The following IPO11 variants were observed in gnomAD, a reference collection of about 807,000 sequenced individuals.
IPO11 encodes the protein importin 11, also known as importin-11.
A neutral mutation model predicts 143.2 loss-of-function variants in IPO11; 66 were observed. The observed-to-expected ratio is 0.46, with a 90% CI of 0.38 to 0.57. The LOEUF (loss-of-function observed/expected upper bound fraction) is 0.57, where lower values mean the gene tolerates loss of function less well. Ranked by LOEUF, IPO11 falls within the 20% of genes least tolerant of loss-of-function variation. IPO11 has a pLI of 0.00. For missense variants in IPO11, 1,026 were observed against 1,141.0 expected (o/e 0.90, Z 1.45); for synonymous variants, 385 against 377.8 (o/e 1.02, Z -0.22).
At chr5:62,489,454 A>G in intron 14 of IPO11, 105 bp downstream of exon 14, 1 of 668,738 alleles carries the variant, frequency 1.5e-6, no homozygotes, top group Non-Finnish European at 2.5e-6. Flanking sequence ...AAGAGTAACT[A>G]AAATACAGGA....
chr5:62,555,048 G>A (rs955707826), intron 26 of IPO11, among the ~76,000 whole-genome samples: 1 of 152,118 alleles, frequency 6.6e-6, no homozygotes, highest in Non-Finnish European at 1.5e-5. Context: ...GTGGTGTGAT[G>A]CCTCTAGCTT....
intron 27 of IPO11, among the ~76,000 whole-genome samples, chr5:62,590,163 CA>C (rs1744958572): frequency 6.6e-6 from 1 of 152,222 alleles, no homozygotes; most frequent in African/African-American, 2.4e-5. Flanking sequence ...GTTCCTTGCT[CA>C]GGGGCTGTTC....
At chr5:62,528,030 G>A (rs1280748753) in intron 21 of IPO11, among the ~76,000 whole-genome samples, 1 of 152,150 alleles carries the variant, frequency 6.6e-6, no homozygotes, top group African/African-American at 2.4e-5. Context: ...GAAGTGGTTG[G>A]CACTTTGGAT....
intron 14 of IPO11, 91 bp downstream of exon 14, chr5:62,489,440 A>G: frequency 1.2e-6 from 1 of 823,958 alleles, no homozygotes; most frequent in Non-Finnish European, 1.9e-6. Context: ...GGGTGTTGAG[A>G]TACAAGAGTA....
At chr5:62,552,722 A>G (rs1270676682) in intron 26 of IPO11, among the ~76,000 whole-genome samples, 1 of 152,176 alleles carries the variant, frequency 6.6e-6, no homozygotes, top group African/African-American at 2.4e-5. Context: ...ATTTCTTGAA[A>G]TATATGTCCT....
At chr5:62,563,319 A>G (rs1199273365) in intron 27 of IPO11, among the ~76,000 whole-genome samples, 2 of 152,234 alleles carry the variant, frequency 1.3e-5, no homozygotes, top group East Asian at 1.9e-4. Flanking sequence ...AAAATGAGTT[A>G]ATAAGACATG....
intron 5 of IPO11, among the ~76,000 whole-genome samples, chr5:62,453,976 CAA>C (rs555724657): frequency 6.8e-6 from 1 of 146,016 alleles, no homozygotes; most frequent in South Asian, 2.2e-4. Context: ...ACTAAAAATA[CAA>C]AAAAAAAATA....
In IPO11 at chr5:62,451,810, TC is replaced by T; in HGVS notation, c.394del (p.Ile133Ter). ...PRQWPELIPTLIESVKVQDDL... is the reference protein window; with the variant it reads ...PRQWPELIPTXIESVKVQDDL... ...GACAGTGGCCTGAACTAATTCCCAC[TC>T]TTATAGAGTCTGTTAAAGTCCAGGA... On this transcript the variant is annotated frameshift_variant, in exon 5 of 30. Transcript: ENST00000325324. LOFTEE classifies it high-confidence loss of function. The T allele has an allele frequency of 6.2e-7, 1 of 1,614,100 alleles. No individual in the cohort carries two copies. The highest frequency in any genetic ancestry group is 8.5e-7 in the Non-Finnish European group (1 of 1,179,940).
intron 29 of IPO11, among the ~76,000 whole-genome samples, chr5:62,602,408 T>C (rs1245376304): frequency 2.0e-5 from 3 of 152,214 alleles, no homozygotes; most frequent in Non-Finnish European, 2.9e-5. Context: ...ATTTTTACCA[T>C]AAATAGAAAA....
intron 2 of IPO11, among the ~76,000 whole-genome samples, chr5:62,438,886 C>T (rs1271695895): frequency 1.3e-5 from 2 of 151,832 alleles, no homozygotes; most frequent in South Asian, 2.1e-4. Context: ...GGTGAAATCC[C>T]GTCTCTACTA....
At chr5:62,471,379 TGTTAAATGA>T (rs1336833441) in intron 7 of IPO11, among the ~76,000 whole-genome samples, 1 of 152,160 alleles carries the variant, frequency 6.6e-6, no homozygotes, top group African/African-American at 2.4e-5. Context: ...ATTGTTCTAT[TGTTAAATGA>T]GTTTAAAACC....
chr5:62,622,041 GT>G (rs367581245), intron 29 of IPO11, among the ~76,000 whole-genome samples: 2,999 of 148,928 alleles, frequency 0.02, 73 homozygotes, highest in African/African-American at 0.062. Flanking sequence ...TAGCTGAAGG[GT>G]TTTTTTTTTC....
intron 15 of IPO11, among the ~76,000 whole-genome samples, chr5:62,491,669 T>G (rs956332198): frequency 2.7e-5 from 4 of 149,108 alleles, no homozygotes; most frequent in Admixed American, 6.6e-5. Flanking sequence ...TTAATAAGTT[T>G]TTTTTTTTTT....
chr5:62,412,912 T>A lies in IPO11; in HGVS notation c.-24T>A, dbSNP rs2112081173. 1 of 152,578 alleles carries A rather than the reference T, an allele frequency of 6.6e-6. No homozygotes were observed. The highest frequency in any genetic ancestry group is 1.9e-4 in the East Asian group (1 of 5,170). The allele number at this position is 152,578 out of a possible 1,614,324, so 9.5% of individuals were successfully genotyped here. On this transcript the variant is annotated 5_prime_UTR_variant, in exon 1 of 30. Transcript: ENST00000325324. ...AGTGGGAGCGGGAGGGCCGGGCAAT[T>A]CCCGACCGAACCAAACGGTGAGGCC...
chr5:62,604,539 ATT>A (rs1459196746), intron 29 of IPO11, among the ~76,000 whole-genome samples: 1 of 150,744 alleles, frequency 6.6e-6, no homozygotes, highest in Non-Finnish European at 1.5e-5. Context: ...CGTGGAAAGT[ATT>A]TTTTTTTGCA....
At chr5:62,420,383 T>C (rs920034603) in intron 1 of IPO11, among the ~76,000 whole-genome samples, 2 of 151,978 alleles carry the variant, frequency 1.3e-5, no homozygotes, top group African/African-American at 4.8e-5. Context: ...GTACTGTACC[T>C]AATTGTATGT....
chr5:62,462,539 T>G (rs1165508431), intron 5 of IPO11, among the ~76,000 whole-genome samples: 1 of 151,128 alleles, frequency 6.6e-6, no homozygotes, highest in Non-Finnish European at 1.5e-5. Context: ...AAAAAAATAC[T>G]GTTTTTATTT....
At chr5:62,471,680 G>C (rs1745777426) in intron 7 of IPO11, among the ~76,000 whole-genome samples, 1 of 152,098 alleles carries the variant, frequency 6.6e-6, no homozygotes, top group South Asian at 2.1e-4. Context: ...TCCATTGTCA[G>C]TTATATTGTT....
chr5:62,551,921 C>T (rs1263185937), intron 26 of IPO11, among the ~76,000 whole-genome samples: 2 of 151,916 alleles, frequency 1.3e-5, no homozygotes, highest in East Asian at 1.9e-4. Context: ...GTCAGGAGAT[C>T]GAGACATCCT....
Sources: gnomAD v4.1 joint callset for allele counts (sites outside exome capture counted in the v4.1 genomes callset) on GRCh38, gnomAD v4.1.1 for gene constraint, MANE v1.5 for transcripts, NCBI Gene and HGNC (gene_info 2026-07-23, HGNC 2026-07-21) for gene names.